Variants in KCND2 observed in about 807,000 individuals in gnomAD.
KCND2 encodes the protein A-type voltage-gated potassium channel KCND2.
Under a neutral mutation model 54.4 loss-of-function variants are expected in KCND2, and 16 were observed. The observed-to-expected ratio is 0.29, with a 90% CI of 0.20 to 0.45. The LOEUF is 0.45. KCND2 is among the 20% of genes least tolerant of loss of function. KCND2 has a pLI of 1.00. For synonymous variants in KCND2, 317 were observed against 310.7 expected (o/e 1.02, Z -0.21); for missense variants, 486 against 824.2 (o/e 0.59, Z 5.02).
intron 1 of KCND2, among the ~76,000 whole-genome samples, chr7:120,280,737 A>G (rs1298699607): frequency 6.7e-6 from 1 of 148,920 alleles, no homozygotes; most frequent in East Asian, 1.9e-4. Context: ...ATTGGATAGC[A>G]GCAATATTTT....
intron 1 of KCND2, among the ~76,000 whole-genome samples, chr7:120,451,933 TC>T (rs1307179984): frequency 6.6e-6 from 1 of 152,240 alleles, no homozygotes; most frequent in African/African-American, 2.4e-5. Context: ...TTAGCACTCT[TC>T]CTGTTTTGTG....
intron 1 of KCND2, among the ~76,000 whole-genome samples, chr7:120,622,497 A>G (rs1169549576): frequency 6.6e-6 from 1 of 152,004 alleles, no homozygotes; most frequent in African/African-American, 2.4e-5. Flanking sequence ...ATATATATAT[A>G]TACAGTCTCA....
chr7:120,431,409 G>A (rs564362362), intron 1 of KCND2, among the ~76,000 whole-genome samples: 54 of 152,306 alleles, frequency 3.5e-4, no homozygotes, highest in African/African-American at 1.3e-3. Context: ...GGAGGGAGTA[G>A]TGAGTATCAG....
chr7:120,310,934 CA>C (rs1023300696), intron 1 of KCND2, among the ~76,000 whole-genome samples: 1,395 of 58,120 alleles, frequency 0.024, 12 homozygotes, highest in African/African-American at 0.064. Flanking sequence ...AGACTCTGTC[CA>C]AAAAAAAAAA....
intron 2 of KCND2, among the ~76,000 whole-genome samples, chr7:120,737,089 A>G (rs533092736): frequency 6.7e-6 from 1 of 149,748 alleles, no homozygotes; most frequent in Non-Finnish European, 1.5e-5. Flanking sequence ...CAAAAAAAAA[A>G]AAAACAAAAC....
chr7:120,519,512 A>G (rs540254657), intron 1 of KCND2, among the ~76,000 whole-genome samples: 178 of 152,144 alleles, frequency 1.2e-3, no homozygotes, highest in Admixed American at 2.9e-3. Context: ...ATCACACCTC[A>G]TAATTCCACA....
intron 1 of KCND2, among the ~76,000 whole-genome samples, chr7:120,285,615 C>A (rs865887131): frequency 2.0e-4 from 31 of 151,796 alleles, no homozygotes; most frequent in African/African-American, 7.2e-4. Context: ...TTTTTCCAAT[C>A]TTTTATAGAT....
rs949769914 is a variant in KCND2 at position 120,473,736 on chromosome 7, A to G, written c.1115+197989A>G. Among the ~76,000 whole-genome samples, 59 of 152,318 alleles carry G rather than the reference A, an allele frequency of 3.9e-4. 1 individual carries two copies. The highest frequency in any genetic ancestry group is 5.4e-4 in the Non-Finnish European group (37 of 68,026). ...TCCAATCCAAAGTTTTTTTAAAAAA[A>G]TGAAAATAATCGTGACAGTGTACAG... is the stretch of plus-strand genomic sequence containing the variant. On this transcript the variant is annotated intron_variant, in intron 1 of 5. Coordinates refer to ENST00000331113, the MANE Select transcript of KCND2 (RefSeq NM_012281.3).
At chr7:120,628,603 C>A (rs1172764170) in intron 1 of KCND2, among the ~76,000 whole-genome samples, 1 of 152,186 alleles carries the variant, frequency 6.6e-6, no homozygotes, top group Non-Finnish European at 1.5e-5. Context: ...AATGCTGTTT[C>A]TCTTGGCACA....
At chr7:120,684,696 G>A (rs1284461918) in intron 1 of KCND2, among the ~76,000 whole-genome samples, 1 of 152,136 alleles carries the variant, frequency 6.6e-6, no homozygotes, top group Non-Finnish European at 1.5e-5. Context: ...GAGGTGAGCA[G>A]AGGGCAAGCC....
intron 1 of KCND2, among the ~76,000 whole-genome samples, chr7:120,691,170 C>T (rs1050634227): frequency 2.6e-5 from 4 of 152,162 alleles, no homozygotes; most frequent in African/African-American, 9.7e-5. Context: ...ATCCCAATGA[C>T]TGCTTTTACC....
intron 1 of KCND2, among the ~76,000 whole-genome samples, chr7:120,374,488 A>G (rs912010674): frequency 6.6e-5 from 10 of 151,776 alleles, no homozygotes; most frequent in African/African-American, 2.4e-4. Flanking sequence ...TCTTAGTTGA[A>G]TTACTTCAAG....
chr7:120,701,506 G>A (rs1440944515), intron 1 of KCND2, among the ~76,000 whole-genome samples: 1 of 152,006 alleles, frequency 6.6e-6, no homozygotes, highest in Non-Finnish European at 1.5e-5. Flanking sequence ...GAAATCCTAA[G>A]CAAAAATAAC....
At chr7:120,337,017 T>G (rs543167661) in intron 1 of KCND2, among the ~76,000 whole-genome samples, 24 of 152,284 alleles carry the variant, frequency 1.6e-4, no homozygotes, top group Middle Eastern at 3.4e-3. Context: ...TTTGGCTTTT[T>G]TTTTCTTGGA....
intron 1 of KCND2, among the ~76,000 whole-genome samples, chr7:120,511,152 G>A (rs1803108566): frequency 6.6e-6 from 1 of 151,392 alleles, no homozygotes; most frequent in Admixed American, 6.6e-5. Context: ...CCATTTTTTG[G>A]AGCATTTTTT....
At chr7:120,645,284 A>G (rs1328706050) in intron 1 of KCND2, among the ~76,000 whole-genome samples, 1 of 152,106 alleles carries the variant, frequency 6.6e-6, no homozygotes, top group Non-Finnish European at 1.5e-5. Flanking sequence ...GCATGTTAAT[A>G]TAGGGTTCTG....
At chr7:120,740,362 C>T (rs1792925628) in intron 2 of KCND2, among the ~76,000 whole-genome samples, 1 of 151,848 alleles carries the variant, frequency 6.6e-6, no homozygotes, top group Non-Finnish European at 1.5e-5. Context: ...AAAGAGCATT[C>T]CAGGACTTGA....
chr7:120,724,635 G>T (rs1792710570), intron 1 of KCND2, among the ~76,000 whole-genome samples: 1 of 152,126 alleles, frequency 6.6e-6, no homozygotes, highest in African/African-American at 2.4e-5. Flanking sequence ...GACACTGAAG[G>T]CTTTTATGCA....
At chr7:120,732,217 A>G (rs892615492) in intron 1 of KCND2, among the ~76,000 whole-genome samples, 13 of 152,108 alleles carry the variant, frequency 8.5e-5, no homozygotes, top group African/African-American at 3.1e-4. Flanking sequence ...TAGAAATCAG[A>G]TAAGGGGAAA....
Sources: gnomAD v4.1 joint callset for allele counts (sites outside exome capture counted in the v4.1 genomes callset) on GRCh38, gnomAD v4.1.1 for gene constraint, MANE v1.5 for transcripts, NCBI Gene and HGNC (gene_info 2026-07-23, HGNC 2026-07-21) for gene names.